TESK2: variants seen among roughly 807,000 people sequenced by gnomAD.
TESK2 encodes dual specificity testis-specific protein kinase 2.
A neutral mutation model predicts 57.1 loss-of-function variants in TESK2; 39 were observed. The ratio of observed to expected loss-of-function variants is 0.68; its 90% confidence interval spans 0.53 to 0.89. The LOEUF (loss-of-function observed/expected upper bound fraction) is 0.89. Ranked by LOEUF, TESK2 falls within the 40% of genes least tolerant of loss-of-function variation. The pLI is 0.00. For missense variants in TESK2, 646 were observed against 732.1 expected (o/e 0.88, Z 1.36); for synonymous variants, 249 against 267.9 (o/e 0.93, Z 0.69).
At chr1:45,388,697 G>T (rs1461183834) in intron 3 of TESK2, among the ~76,000 whole-genome samples, 1 of 150,720 alleles carries the variant, frequency 6.6e-6, no homozygotes, top group Non-Finnish European at 1.5e-5. Flanking sequence ...TTCCCAACGT[G>T]GCAGTATTGA....
At chr1:45,398,982 T>TAAA in intron 3 of TESK2, 15 of 74,088 alleles carry the variant, frequency 2.0e-4, no homozygotes, top group East Asian at 1.8e-3. Flanking sequence ...GACTAGGACC[T>TAAA]GAAAAAAAAA....
intron 2 of TESK2, among the ~76,000 whole-genome samples, chr1:45,450,326 A>C (rs1651819920): frequency 6.6e-6 from 1 of 152,222 alleles, no homozygotes; most frequent in Admixed American, 6.5e-5. Flanking sequence ...AGCCTGACCA[A>C]TATGGTGAAA....
chr1:45,469,324 T>C (rs1036670085), intron 1 of TESK2, among the ~76,000 whole-genome samples: 3 of 152,208 alleles, frequency 2.0e-5, no homozygotes, highest in Admixed American at 6.5e-5. Flanking sequence ...CTGGAAATAA[T>C]AACTGCAGCC....
At chr1:45,459,451 G>A (rs754283255) in intron 1 of TESK2, among the ~76,000 whole-genome samples, 1 of 152,186 alleles carries the variant, frequency 6.6e-6, no homozygotes, top group Non-Finnish European at 1.5e-5. Context: ...AATACTCTGA[G>A]TTCCCAAATA....
intron 3 of TESK2, among the ~76,000 whole-genome samples, chr1:45,387,380 A>G (rs1374907809): frequency 6.6e-6 from 1 of 152,164 alleles, no homozygotes. Flanking sequence ...AAAACCATAA[A>G]TCAATGAGTA....
In TESK2 at chr1:45,344,649, C is replaced by T. The variant is rs1332431950; in HGVS notation, c.*191G>A. 3.4e-6 allele frequency: 2 copies of T among 595,232 alleles called. No individual in the cohort carries two copies. The highest frequency in any genetic ancestry group is 5.9e-6 in the Non-Finnish European group (2 of 337,582). 36.9% of individuals were successfully genotyped at this position (595,232 alleles called of 1,614,324 possible). A position where few individuals can be genotyped will look rare whatever the true frequency, so the allele number is the denominator to read the frequency against. ...GCTTGGTATCAGCTGTTGGCCCTAA[C>T]TAGGAAGGCCTCTCACTGCTGCCTC... On this transcript the variant is annotated 3_prime_UTR_variant, in exon 11 of 11. Coordinates refer to ENST00000372086, the MANE Select transcript of TESK2 (RefSeq NM_007170.3).
At chr1:45,364,007 A>G (rs1021401923) in intron 4 of TESK2, among the ~76,000 whole-genome samples, 1 of 152,186 alleles carries the variant, frequency 6.6e-6, no homozygotes, top group Admixed American at 6.6e-5. Flanking sequence ...TATGTCAGTT[A>G]TGACTATTTC....
intron 2 of TESK2, among the ~76,000 whole-genome samples, chr1:45,430,585 C>A (rs1243870767): frequency 1.3e-5 from 2 of 152,160 alleles, no homozygotes; most frequent in South Asian, 2.1e-4. Flanking sequence ...GATCTCTTTG[C>A]CTTTTGGGAT....
At chr1:45,358,969 A>G (rs1647562765) in intron 4 of TESK2, among the ~76,000 whole-genome samples, 1 of 152,202 alleles carries the variant, frequency 6.6e-6, no homozygotes, top group African/African-American at 2.4e-5. Flanking sequence ...CAAACCTTAT[A>G]TGATGTATTA....
rs140448773 is a variant in TESK2 at position 45,427,300 on chromosome 1, C to T, written c.223-5454G>A. Among the ~76,000 whole-genome samples, 609 of 150,692 alleles carry T rather than the reference C, an allele frequency of 4.0e-3. 4 individuals carry two copies. Among genetic ancestry groups the T allele is most frequent in the Middle Eastern group, 7.0e-3 (2 of 284 alleles). On this transcript the variant is annotated intron_variant, in intron 2 of 10. Transcript: ENST00000372086. ...TGTAGAGAAAGGGGTAAGCCTCGTGCACTGTTGGTAGGAATGTAAATTGGT... is the reference window on the plus strand; with the variant it reads ...TGTAGAGAAAGGGGTAAGCCTCGTGTACTGTTGGTAGGAATGTAAATTGGT...
At chr1:45,406,069 T>A (rs556880562) in intron 3 of TESK2, among the ~76,000 whole-genome samples, 1 of 151,716 alleles carries the variant, frequency 6.6e-6, no homozygotes, top group South Asian at 2.1e-4. Context: ...TATAAAAAAA[T>A]TAAAACAAAA....
intron 4 of TESK2, among the ~76,000 whole-genome samples, chr1:45,372,740 A>G (rs1648245769): frequency 6.7e-6 from 1 of 150,336 alleles, no homozygotes; most frequent in Non-Finnish European, 1.5e-5. Flanking sequence ...TCTTTCTTAA[A>G]AAAAAAAAGA....
intron 2 of TESK2, among the ~76,000 whole-genome samples, chr1:45,425,637 A>G (rs1252834474): frequency 1.3e-5 from 2 of 152,194 alleles, no homozygotes; most frequent in Admixed American, 1.3e-4. Flanking sequence ...CCTGGGTGAC[A>G]GAGCAAGACT....
rs143063414 is a variant in TESK2, at chr1:45,453,887, T to C, written c.222+3677A>G. Reference sequence around the variant, plus strand: ...AAATACACATTTCTCCAAGAAGATATACAAAAAAGGTCAACAAGTACATGA... The same window carrying C: ...AAATACACATTTCTCCAAGAAGATACACAAAAAAGGTCAACAAGTACATGA... On this transcript the variant is annotated intron_variant, in intron 2 of 10. Transcript: ENST00000372086. Among the ~76,000 whole-genome samples the C allele has an allele frequency of 1.2e-3, 178 of 152,140 alleles. 3 individuals are homozygous for C. The highest frequency in any genetic ancestry group is 4.0e-3 in the African/African-American group (168 of 41,524).
rs1339331117 is a variant in TESK2 at position 45,345,437 on chromosome 1, G to A, written c.1119C>T (p.Ser373=). Reference sequence around the variant, plus strand: ...CACTCACTGTACGTGGGGGCTTACGGGAAAAGATATCTGACTGGCTTCGAG... The same window carrying A: ...CACTCACTGTACGTGGGGGCTTACGAGAAAAGATATCTGACTGGCTTCGAG... ...WLSRSQSDIF[S]RKPPRTVSVL... is the part of the protein sequence containing the mutation. The change falls in exon 11 of 11, where the codon TCC becomes TCT. Residue 373 remains serine, a synonymous_variant. Coordinates refer to ENST00000372086, the MANE Select transcript of TESK2 (RefSeq NM_007170.3). 1.2e-6 allele frequency: 2 copies of A among 1,614,172 alleles called. No homozygotes were observed. The highest frequency in any genetic ancestry group is 2.2e-5 in the East Asian group (1 of 44,880).
chr1:45,479,002 G>A (rs1653107294), intron 1 of TESK2, among the ~76,000 whole-genome samples: 2 of 152,104 alleles, frequency 1.3e-5, no homozygotes, highest in South Asian at 4.1e-4. Context: ...GGGATTACAG[G>A]GGTGAGCAAC....
At chr1:45,406,653 CTAAAAATAAAAA>C (rs1018780714) in intron 3 of TESK2, among the ~76,000 whole-genome samples, 2 of 151,904 alleles carry the variant, frequency 1.3e-5, no homozygotes, top group Non-Finnish European at 2.9e-5. Flanking sequence ...AAGGCTCTGT[CTAAAAATAAAAA>C]TAAAAATAAA....
chr1:45,479,452 C>A (rs1352869587), intron 1 of TESK2, among the ~76,000 whole-genome samples: 1 of 150,656 alleles, frequency 6.6e-6, no homozygotes, highest in Non-Finnish European at 1.5e-5. Flanking sequence ...TTTTTGGAGA[C>A]GGAGTTTTTG....
chr1:45,423,496 G>A (rs72894320), intron 2 of TESK2, among the ~76,000 whole-genome samples: 7,993 of 150,416 alleles, frequency 0.053, 756 homozygotes, highest in African/African-American at 0.19. Flanking sequence ...GGCGGGGCCC[G>A]CAGTGAGTGG....
Sources: gnomAD v4.1 joint callset for allele counts (sites outside exome capture counted in the v4.1 genomes callset) on GRCh38, gnomAD v4.1.1 for gene constraint, MANE v1.5 for transcripts, NCBI Gene and HGNC (gene_info 2026-07-23, HGNC 2026-07-21) for gene names.